The following UPF2 variants were observed in gnomAD, a reference collection of about 807,000 sequenced individuals.
UPF2 encodes the protein regulator of nonsense transcripts 2.
In UPF2, 17 loss-of-function variants were observed where a neutral mutation model predicts 141.4. That is an observed-to-expected ratio of 0.12 (90% CI 0.08 to 0.18). UPF2 has a LOEUF of 0.18. UPF2 is among the 10% of genes least tolerant of loss of function. UPF2 has a pLI of 1.00. For missense variants in UPF2, 1,152 were observed against 1,515.9 expected, an observed-to-expected ratio of 0.76 and a Z score of 3.99; for synonymous variants, 540 against 498.0, an observed-to-expected ratio of 1.08 and a Z score of -1.12.
chr10:11,948,582 T>A, intron 15 of UPF2, 74 bp from the exon 16 acceptor site: 2 of 1,485,860 alleles, frequency 1.3e-6, no homozygotes, highest in Non-Finnish European at 1.8e-6. Context: ...CTATACCAAT[T>A]CATGTAAAAG....
In UPF2 at chr10:12,011,802, G is replaced by A. The variant is rs555982996; in HGVS notation, c.1306+2222C>T. ...CTCTACTAAAAATACAAAATTAGCCGGGTGTAGTGGCACATGCCTGTAATC... is the reference window on the plus strand; with the variant it reads ...CTCTACTAAAAATACAAAATTAGCCAGGTGTAGTGGCACATGCCTGTAATC... On this transcript the variant is annotated intron_variant, in intron 4 of 21. Transcript: ENST00000357604. Among the ~76,000 whole-genome samples the A allele has an allele frequency of 1.9e-3, 282 of 151,532 alleles. 1 individual carries two copies. The highest frequency in any genetic ancestry group is 6.2e-3 in the African/African-American group (256 of 41,348).
intron 9 of UPF2, among the ~76,000 whole-genome samples, chr10:11,971,932 C>T (rs1833424585): frequency 6.6e-6 from 1 of 151,896 alleles, no homozygotes; most frequent in Non-Finnish European, 1.5e-5. Context: ...GGTATGGTGG[C>T]CTGTGCCTGT....
chr10:11,932,255 C>G (rs1832791627), intron 19 of UPF2, among the ~76,000 whole-genome samples: 1 of 151,886 alleles, frequency 6.6e-6, no homozygotes, highest in Non-Finnish European at 1.5e-5. Context: ...ACAGGGTGGC[C>G]ATTTTTCCCC....
intron 21 of UPF2, among the ~76,000 whole-genome samples, chr10:11,927,596 C>T (rs1333786264): frequency 6.6e-6 from 1 of 152,144 alleles, no homozygotes; most frequent in African/African-American, 2.4e-5. Context: ...CACATTTTAG[C>T]AGCAATAAAA....
rs1273741606 is a variant in UPF2 at position 11,964,069 on chromosome 10, C to T, written c.2124G>A (p.Glu708=). 6.2e-7 allele frequency: 1 copy of T among 1,614,066 alleles called. No homozygotes were observed. Among genetic ancestry groups the T allele is most frequent in the Admixed American group, 1.7e-5 (1 of 60,014 alleles). The change falls in exon 11 of 22, where the codon GAG becomes GAA. Residue 708 remains glutamate (E), a synonymous_variant. Transcript: ENST00000357604. Reference sequence around the variant, plus strand: ...ATCTGAAAAGAAACCGTCCACATGTCTCCAGCAGGGTGCATGCCATTTCAA... The same window carrying T: ...ATCTGAAAAGAAACCGTCCACATGTTTCCAGCAGGGTGCATGCCATTTCAA... ...HHIEMACTLL[E]TCGRFLFRSP... is the part of the protein sequence containing the mutation.
chr10:12,000,307 A>C (rs1833931921), intron 6 of UPF2, among the ~76,000 whole-genome samples: 1 of 152,194 alleles, frequency 6.6e-6, no homozygotes, highest in Non-Finnish European at 1.5e-5. Flanking sequence ...TCTGCCCAGC[A>C]TCCCTTCCCC....
chr10:11,956,296 G>A lies in UPF2; in HGVS notation c.2574+24C>T. 3 of 1,602,622 alleles carry A rather than the reference G, an allele frequency of 1.9e-6. No individual in the cohort carries two copies. The highest frequency in any genetic ancestry group is 2.6e-6 in the Non-Finnish European group (3 of 1,169,738). ...AATTCTCCACGAATTCCAGTTGTGT[G>A]ACATTAAAGGAAGTCTTGTTTACCT... On this transcript the variant is annotated intron_variant, in intron 13 of 21. Transcript: ENST00000357604. This position sits in a 1 kb window ranked among gnomAD's most constrained non-coding sequence, Gnocchi z 4.2.
At chr10:12,030,922 C>T (rs1834509254) in intron 2 of UPF2, among the ~76,000 whole-genome samples, 1 of 150,990 alleles carries the variant, frequency 6.6e-6, no homozygotes, top group East Asian at 2.0e-4. Context: ...TGCCTGTAAT[C>T]CCAGCACTTT....
chr10:11,957,015 C>G lies in UPF2; in HGVS notation c.2371-492G>C, dbSNP rs75085675. Among the ~76,000 whole-genome samples the G allele has an allele frequency of 4.5e-3, 684 of 152,296 alleles. 2 individuals carry two copies. Among genetic ancestry groups the G allele is most frequent in the Non-Finnish European group, 8.2e-3 (555 of 68,022 alleles). On this transcript the variant is annotated intron_variant, in intron 12 of 21. Coordinates refer to ENST00000357604, the MANE Select transcript of UPF2 (RefSeq NM_015542.4). ...TTTATATTTTTTGTAGAGGCGAGAT[C>G]TTCCTATGTTGCCCAGGCTGGCCTC...
intron 16 of UPF2, among the ~76,000 whole-genome samples, chr10:11,944,884 G>A (rs945271531): frequency 5.3e-5 from 8 of 152,216 alleles, no homozygotes; most frequent in South Asian, 4.1e-4. Flanking sequence ...GAGGAACAGT[G>A]TCGCAAAAGG....
chr10:11,964,959 T>A (rs977538388), intron 10 of UPF2, among the ~76,000 whole-genome samples: 3 of 152,190 alleles, frequency 2.0e-5, no homozygotes, highest in Non-Finnish European at 4.4e-5. Context: ...TGAAAGTAAT[T>A]TATACAGTAT....
intron 8 of UPF2, among the ~76,000 whole-genome samples, chr10:11,994,519 C>A (rs937271621): frequency 3.2e-4 from 48 of 152,286 alleles, no homozygotes; most frequent in African/African-American, 1.2e-3. Flanking sequence ...AAGAAGGATA[C>A]TTTTCATCAT....
At chr10:12,008,053 T>C (rs1490966092) in intron 4 of UPF2, among the ~76,000 whole-genome samples, 2 of 151,750 alleles carry the variant, frequency 1.3e-5, no homozygotes, top group African/African-American at 4.8e-5. Context: ...CAGCTAACTT[T>C]TGTATTTTTT....
At chr10:11,971,504 G>A (rs1255100688) in intron 9 of UPF2, among the ~76,000 whole-genome samples, 3 of 151,976 alleles carry the variant, frequency 2.0e-5, no homozygotes, top group Non-Finnish European at 4.4e-5. Context: ...CGCCCACCTC[G>A]GCCACCCAAA....
intron 3 of UPF2, among the ~76,000 whole-genome samples, chr10:12,017,979 C>A (rs1834253600): frequency 6.6e-6 from 1 of 152,094 alleles, no homozygotes; most frequent in Non-Finnish European, 1.5e-5. Flanking sequence ...GGACAGAATG[C>A]CAATTAATAC....
At chr10:11,974,667 C>T (rs867029182) in intron 9 of UPF2, among the ~76,000 whole-genome samples, 4 of 152,128 alleles carry the variant, frequency 2.6e-5, no homozygotes, top group South Asian at 2.1e-4. Context: ...TCTGTTTCTA[C>T]GATGGATTAC....
intron 6 of UPF2, among the ~76,000 whole-genome samples, chr10:12,000,898 C>G (rs1381221088): frequency 6.6e-6 from 1 of 152,116 alleles, no homozygotes; most frequent in African/African-American, 2.4e-5. Flanking sequence ...TTACTGAATA[C>G]AAACACAACT....
Position 11,921,138 on chromosome 10 carries a change from G to A in UPF2, c.*160C>T. 1 of 961,810 alleles carries A rather than the reference G, an allele frequency of 1.0e-6. No homozygotes were observed. The highest frequency in any genetic ancestry group is 1.7e-6 in the Non-Finnish European group (1 of 585,376). 59.6% of individuals were successfully genotyped at this position (961,810 alleles called of 1,614,324 possible). ...GCTTGTTCCGGTGTTGGCAGAGGCTGGTGTTTCTGCCTCCTGGCCCCAGCC... is the reference window on the plus strand; with the variant it reads ...GCTTGTTCCGGTGTTGGCAGAGGCTAGTGTTTCTGCCTCCTGGCCCCAGCC... On this transcript the variant is annotated 3_prime_UTR_variant, in exon 22 of 22. Transcript: ENST00000357604. The surrounding 1 kb of genome is among the most constrained non-coding windows in gnomAD (Gnocchi z 5.9).
intron 9 of UPF2, among the ~76,000 whole-genome samples, chr10:11,975,457 G>A (rs1315302071): frequency 6.6e-6 from 1 of 152,134 alleles, no homozygotes; most frequent in Non-Finnish European, 1.5e-5. Context: ...TTTATTATAT[G>A]TAAGATTTTA....
Sources: gnomAD v4.1 joint callset for allele counts (sites outside exome capture counted in the v4.1 genomes callset) on GRCh38, gnomAD v4.1.1 for gene constraint, Gnocchi (gnomAD v3.1) non-coding constraint, MANE v1.5 for transcripts, NCBI Gene and HGNC (gene_info 2026-07-23, HGNC 2026-07-21) for gene names.